Variants in DRC5 observed in about 807,000 individuals in gnomAD.
The protein encoded by DRC5 is dynein regulatory complex subunit 5.
the DRC5 span, chr6:44,280,290 A>G: frequency 2.5e-6 from 4 of 1,614,112 alleles, no homozygotes; most frequent in African/African-American, 1.3e-5. Context: ...GGCCTGGCCA[A>G]TGAGGTACTC....
chr6:44,282,473 C>A, the DRC5 span: 1 of 1,611,922 alleles, frequency 6.2e-7, no homozygotes, highest in East Asian at 2.2e-5. Context: ...ACAAGTCCAG[C>A]TCCTCGAGGA....
the DRC5 span, among the ~76,000 whole-genome samples, chr6:44,295,976 G>GCT: frequency 1.3e-5 from 2 of 152,208 alleles, no homozygotes; most frequent in Non-Finnish European, 2.9e-5. Flanking sequence ...ATATTGTAGT[G>GCT]AAGATGCTAG....
chr6:44,292,765 A>G, the DRC5 span, among the ~76,000 whole-genome samples: 3 of 152,178 alleles, frequency 2.0e-5, no homozygotes, highest in Non-Finnish European at 4.4e-5. Context: ...TGCTGCTGGA[A>G]GTCATTTCTC....
the DRC5 span, among the ~76,000 whole-genome samples, chr6:44,292,781 A>G: frequency 6.6e-6 from 1 of 152,160 alleles, no homozygotes; most frequent in Non-Finnish European, 1.5e-5. Flanking sequence ...TTCTCTCCAC[A>G]CGTACAAGGT....
chr6:44,282,664 G>T, the DRC5 span: 1 of 916,508 alleles, frequency 1.1e-6, no homozygotes, highest in Admixed American at 2.6e-5. Context: ...CCACCTGGCT[G>T]GGTCTTGGAG....
At chr6:44,282,514 T>C in the DRC5 span, 2 of 1,603,594 alleles carry the variant, frequency 1.2e-6, no homozygotes, top group Non-Finnish European at 1.7e-6. Context: ...CGAATTATGA[T>C]GCGTGCCTTG....
At chr6:44,287,528 C>T in the DRC5 span, 5 of 1,588,542 alleles carry the variant, frequency 3.1e-6, no homozygotes, top group Non-Finnish European at 4.3e-6. Flanking sequence ...TCCTGCCCAC[C>T]TAAAGCAGGG....
chr6:44,282,798 T>TC, the DRC5 span, among the ~76,000 whole-genome samples: 3 of 120,292 alleles, frequency 2.5e-5, no homozygotes, highest in African/African-American at 8.8e-5. Context: ...TCCTTTTTTA[T>TC]CTTTTTTTTT....
chr6:44,287,147 A>C, the DRC5 span: 1 of 972,320 alleles, frequency 1.0e-6, no homozygotes, highest in Non-Finnish European at 1.2e-6. Flanking sequence ...GAAAGGATCA[A>C]TATTACAGAG....
chr6:44,286,570 G>A, the DRC5 span: 2 of 1,554,684 alleles, frequency 1.3e-6, no homozygotes, highest in African/African-American at 1.4e-5. Flanking sequence ...GGGTCACAGT[G>A]TTGGGGGACA....
chr6:44,288,758 C>T, the DRC5 span, among the ~76,000 whole-genome samples: 1 of 151,996 alleles, frequency 6.6e-6, no homozygotes, highest in Non-Finnish European at 1.5e-5. Flanking sequence ...CTTTGGGAGG[C>T]CAACGTGGGT....
chr6:44,290,199 T>G, the DRC5 span, among the ~76,000 whole-genome samples: 1 of 151,988 alleles, frequency 6.6e-6, no homozygotes, highest in Non-Finnish European at 1.5e-5. Context: ...TGCTGCTTAG[T>G]GGTACCGGCT....
the DRC5 span, among the ~76,000 whole-genome samples, chr6:44,288,850 T>C: frequency 6.6e-6 from 1 of 151,558 alleles, no homozygotes; most frequent in Non-Finnish European, 1.5e-5. Context: ...ACAGATTAGC[T>C]GGGCAGGGTG....
At chr6:44,283,493 C>T in the DRC5 span, among the ~76,000 whole-genome samples, 1 of 152,212 alleles carries the variant, frequency 6.6e-6, no homozygotes, top group Non-Finnish European at 1.5e-5. Context: ...TCCCACTCCT[C>T]TCTCTCCCTT....
At chr6:44,281,145 C>T in the DRC5 span, among the ~76,000 whole-genome samples, 1 of 152,118 alleles carries the variant, frequency 6.6e-6, no homozygotes, top group African/African-American at 2.4e-5. Context: ...GGGCCCTGCT[C>T]AATGGTCATC....
the DRC5 span, among the ~76,000 whole-genome samples, chr6:44,284,210 A>G: frequency 6.6e-6 from 1 of 151,842 alleles, no homozygotes; most frequent in East Asian, 1.9e-4. Flanking sequence ...CCCCTCAGTG[A>G]CCTCCATGTT....
the DRC5 span, among the ~76,000 whole-genome samples, chr6:44,295,846 G>A: frequency 2.0e-4 from 31 of 152,222 alleles, no homozygotes; most frequent in Admixed American, 1.8e-3. Flanking sequence ...CATCTATAAC[G>A]TGGGGACAGT....
the DRC5 span, among the ~76,000 whole-genome samples, chr6:44,285,271 C>T: frequency 6.6e-6 from 1 of 152,178 alleles, no homozygotes; most frequent in East Asian, 1.9e-4. Context: ...TAGCATTCAT[C>T]CCAATTCAGG....
chr6:44,282,019 GT>G, the DRC5 span: 1 of 1,270,436 alleles, frequency 7.9e-7, no homozygotes, highest in South Asian at 1.4e-5. Flanking sequence ...TATGTAGTAT[GT>G]AAACTCTGTG....
Sources: gnomAD v4.1 joint callset for allele counts (sites outside exome capture counted in the v4.1 genomes callset) on GRCh38, gnomAD v4.1.1 for gene constraint, MANE v1.5 for transcripts, NCBI Gene and HGNC (gene_info 2026-07-23, HGNC 2026-07-21) for gene names.